The following CADPS variants were observed in gnomAD, a reference collection of about 807,000 sequenced individuals.
The protein encoded by CADPS is calcium dependent secretion activator, also known as calcium-dependent secretion activator 1.
A neutral mutation model predicts 167.3 loss-of-function variants in CADPS; 57 were observed. That is an observed-to-expected ratio of 0.34 (90% confidence interval 0.28 to 0.42). CADPS has a LOEUF of 0.42. Ranked by LOEUF, CADPS falls within the 20% of genes least tolerant of loss-of-function variation. CADPS has a pLI of 1.00. For missense variants in CADPS, 1,414 were observed against 1,738.1 expected (o/e 0.81, Z 3.32); for synonymous variants, 676 against 635.3 (o/e 1.06, Z -0.96).
chr3:62,594,354 G>A lies in CADPS; in HGVS notation c.1326-1606C>T, dbSNP rs960452680. On this transcript the variant is annotated intron_variant, in intron 6 of 29. Transcript: ENST00000383710. ...TTTTTTGTATTTTTAGTAGAGACGC[G>A]GTTTCACCGTTTTAGCCGGGATGGT... Among the ~76,000 whole-genome samples the A allele has an allele frequency of 9.4e-4, 143 of 151,586 alleles. 1 individual carries two copies. Among genetic ancestry groups the A allele is most frequent in the Admixed American group, 7.3e-3 (112 of 15,240 alleles).
chr3:62,547,799 T>C (rs1368584830), intron 11 of CADPS, among the ~76,000 whole-genome samples: 1 of 152,084 alleles, frequency 6.6e-6, no homozygotes, highest in Non-Finnish European at 1.5e-5. Context: ...CCCCATGCAT[T>C]TCCATGAAGA....
rs367671258 is a variant in CADPS at position 62,830,359 on chromosome 3, C to T, written c.441+44230G>A. Among the ~76,000 whole-genome samples, 3 of 152,126 alleles carry T rather than the reference C, an allele frequency of 2.0e-5. No individual in the cohort carries two copies. The East Asian group carries it at 5.8e-4, about 29-fold the overall frequency. ...CAACATTAAAGAGAAAATTTACCCC[C>T]ATCTGAGTTAAAAGCTTTCTCCTAG... On this transcript the variant is annotated intron_variant, in intron 1 of 29. Coordinates refer to ENST00000383710, the MANE Select transcript of CADPS (RefSeq NM_003716.4).
chr3:62,486,057 C>CTAA (rs1268581799), intron 21 of CADPS, among the ~76,000 whole-genome samples: 7 of 152,162 alleles, frequency 4.6e-5, no homozygotes, highest in African/African-American at 1.7e-4. Context: ...GGTTGATATG[C>CTAA]TAATATGTTC....
chr3:62,591,931 G>A (rs1357038999), intron 7 of CADPS, among the ~76,000 whole-genome samples: 2 of 152,168 alleles, frequency 1.3e-5, no homozygotes, highest in Admixed American at 6.5e-5. Flanking sequence ...TGGGATATTG[G>A]TGGAGGTGAA....
intron 27 of CADPS, chr3:62,440,191 CA>C (rs2056019301): frequency 6.6e-6 from 1 of 152,156 alleles, no homozygotes; most frequent in South Asian, 2.1e-4. Context: ...GCTGAATGGA[CA>C]AATTCAAGAA....
intron 6 of CADPS, among the ~76,000 whole-genome samples, chr3:62,608,531 G>A (rs1350771570): frequency 6.6e-6 from 1 of 151,776 alleles, no homozygotes; most frequent in African/African-American, 2.4e-5. Flanking sequence ...CACCCACCTC[G>A]GCCTCCCAAA....
chr3:62,832,050 C>T (rs2075181412), intron 1 of CADPS, among the ~76,000 whole-genome samples: 1 of 152,166 alleles, frequency 6.6e-6, no homozygotes, highest in South Asian at 2.1e-4. Context: ...AAGAAGCTTA[C>T]ATTTCATTGT....
chr3:62,649,543 C>CTTTT lies in CADPS; in HGVS notation c.1203+1300_1203+1303dup, dbSNP rs369874258. Among the ~76,000 whole-genome samples the CTTTT allele has an allele frequency of 9.3e-3, 351 of 37,802 alleles. 62 individuals carry two copies. Among genetic ancestry groups the CTTTT allele is most frequent in the Admixed American group, 0.012 (23 of 1,928 alleles). The allele number at this position is 37,802 out of a possible 152,430, so 24.8% of individuals were successfully genotyped here. A position where few individuals can be genotyped will look rare whatever the true frequency, so the allele number is the denominator to read the frequency against. On this transcript the variant is annotated intron_variant, in intron 5 of 29. Coordinates refer to ENST00000383710, the MANE Select transcript of CADPS (RefSeq NM_003716.4). ...TCAAGGGAATCATACAATATGTGGTCTTTTTTTTTTTTTTTTTTTTTTTTT... is the reference window on the plus strand; with the variant it reads ...TCAAGGGAATCATACAATATGTGGTCTTTTTTTTTTTTTTTTTTTTTTTTTTTTT...
intron 1 of CADPS, among the ~76,000 whole-genome samples, chr3:62,853,365 C>T (rs2153116447): frequency 1.3e-5 from 2 of 152,100 alleles, no homozygotes; most frequent in Admixed American, 6.6e-5. Context: ...TGGCTCACAC[C>T]TGTAATCCCA....
At chr3:62,810,684 A>C (rs1312454259) in intron 1 of CADPS, among the ~76,000 whole-genome samples, 1 of 152,164 alleles carries the variant, frequency 6.6e-6, no homozygotes, top group Non-Finnish European at 1.5e-5. Context: ...GTCATAGAAA[A>C]CTGAATAGCT....
At position 62,874,972 on chromosome 3, in the gene CADPS, C is replaced by T. The variant is rs768322888; in HGVS notation, c.58G>A (p.Gly20Ser). The T allele has an allele frequency of 1.3e-6, 2 of 1,593,080 alleles. No homozygotes were observed. Among genetic ancestry groups the T allele is most frequent in the South Asian group, 1.1e-5 (1 of 90,502 alleles). ...ESDEIVEEESGKEVLGSAPSG... is the reference protein window; with the variant it reads ...ESDEIVEEESSKEVLGSAPSG... ...GGGGCCGAGCCGAGCACCTCCTTGC[C>T]GCTCTCCTCCTCCACGATCTCATCC... is the stretch of plus-strand genomic sequence containing the variant. The change falls in exon 1 of 30, where the codon GGC (glycine) becomes AGC (serine). Residue 20 changes from glycine (G) to serine (S), a missense_variant. Physicochemically the swap from Gly to Ser is moderately conservative, Grantham distance 56. Around this residue, in one of 6 missense-constraint regions of CADPS, gnomAD observed 522 missense variants for 559.5 expected, o/e 0.93. Coordinates refer to ENST00000383710, the MANE Select transcript of CADPS (RefSeq NM_003716.4). This position sits in a 1 kb window ranked among gnomAD's most constrained non-coding sequence, Gnocchi z 7.1.
At chr3:62,460,948 C>A (rs926057139) in intron 26 of CADPS, among the ~76,000 whole-genome samples, 1 of 152,086 alleles carries the variant, frequency 6.6e-6, no homozygotes, top group Admixed American at 6.6e-5. Context: ...AGGAGGATGT[C>A]TGAATTCTAG....
At position 62,741,254 on chromosome 3, in the gene CADPS, C is replaced by T. The variant is rs576079261; in HGVS notation, c.888+12187G>A. Among the ~76,000 whole-genome samples the T allele has an allele frequency of 3.9e-5, 6 of 152,276 alleles. No individual in the cohort carries two copies. In the South Asian group the frequency reaches 1.2e-3, roughly 32 times the overall value. Reference sequence around the variant, plus strand: ...ATTCCAAAAAATTGAGGAGGAGGGACTCCTGCCTAACTGATTTTATAAGGC... The same window carrying T: ...ATTCCAAAAAATTGAGGAGGAGGGATTCCTGCCTAACTGATTTTATAAGGC... On this transcript the variant is annotated intron_variant, in intron 3 of 29. Transcript: ENST00000383710.
intron 7 of CADPS, among the ~76,000 whole-genome samples, chr3:62,591,433 G>T (rs2086000781): frequency 6.6e-6 from 1 of 152,174 alleles, no homozygotes; most frequent in Admixed American, 6.5e-5. Flanking sequence ...GCTTTTTGAA[G>T]GGTTGGGAGG....
intron 1 of CADPS, among the ~76,000 whole-genome samples, chr3:62,806,005 T>C (rs964192600): frequency 2.0e-5 from 3 of 152,102 alleles, no homozygotes. Context: ...TGTTTCTCCA[T>C]CCCTTATGGC....
chr3:62,572,741 G>T (rs768413619), intron 8 of CADPS, among the ~76,000 whole-genome samples: 11 of 152,106 alleles, frequency 7.2e-5, no homozygotes, highest in Non-Finnish European at 1.5e-4. Flanking sequence ...ATACATAAAT[G>T]ATTACACTTG....
chr3:62,626,680 G>A (rs1467764767), intron 6 of CADPS: 1 of 609,706 alleles, frequency 1.6e-6, no homozygotes, highest in East Asian at 2.9e-5. Context: ...CTTCTGCAGG[G>A]AACAGAATCA....
At chr3:62,510,276 C>T (rs1365417195) in intron 17 of CADPS, among the ~76,000 whole-genome samples, 2 of 151,976 alleles carry the variant, frequency 1.3e-5, no homozygotes, top group Non-Finnish European at 2.9e-5. Context: ...TGTCTGTCTA[C>T]AAATCATCAT....
intron 6 of CADPS, among the ~76,000 whole-genome samples, chr3:62,637,044 AC>A: frequency 6.6e-6 from 1 of 152,170 alleles, no homozygotes; most frequent in East Asian, 1.9e-4. Flanking sequence ...TCTTAACAGT[AC>A]CATGTGGAGT....
Sources: allele counts gnomAD v4.1 joint callset (sites outside exome capture counted in the v4.1 genomes callset), GRCh38; gene constraint gnomAD v4.1.1; regional missense constraint gnomAD v4.1.1; non-coding constraint Gnocchi (gnomAD v3.1); transcripts MANE v1.5; gene names NCBI Gene and HGNC (gene_info 2026-07-23, HGNC 2026-07-21).